HIBADH: variants seen among roughly 807,000 people sequenced by gnomAD.
HIBADH encodes the protein 3-hydroxyisobutyrate dehydrogenase, mitochondrial.
A neutral mutation model predicts 36.1 loss-of-function variants in HIBADH; 25 were observed. The observed-to-expected ratio is 0.69, with a 90% CI of 0.50 to 0.97. The LOEUF (loss-of-function observed/expected upper bound fraction) is 0.97, where lower values mean the gene tolerates loss of function less well. Among genes scored for constraint, HIBADH ranks in the 50% least tolerant of loss-of-function variants. The pLI is 0.00. For synonymous variants in HIBADH, 160 were observed against 149.5 expected (o/e 1.07, Z -0.51); for missense variants, 421 against 418.0 (o/e 1.01, Z -0.06).
At chr7:27,588,654 A>G (rs1562633168) in intron 4 of HIBADH, among the ~76,000 whole-genome samples, 1 of 152,334 alleles carries the variant, frequency 6.6e-6, no homozygotes, top group East Asian at 1.9e-4. Flanking sequence ...TTTAAAATAT[A>G]TCATGAAACC....
intron 5 of HIBADH, among the ~76,000 whole-genome samples, chr7:27,541,318 A>C (rs1175792337): frequency 6.6e-6 from 1 of 152,140 alleles, no homozygotes; most frequent in Non-Finnish European, 1.5e-5. Flanking sequence ...TCCTAAAATT[A>C]TCAAACCATC....
chr7:27,558,898 G>C (rs62456899), intron 4 of HIBADH, among the ~76,000 whole-genome samples: 16,027 of 152,170 alleles, frequency 0.11, 1,017 homozygotes, highest in Middle Eastern at 0.15. Context: ...TTTCAAGTTT[G>C]AAATGGTAGC....
intron 2 of HIBADH, among the ~76,000 whole-genome samples, chr7:27,643,382 G>A (rs983329726): frequency 2.0e-5 from 3 of 152,264 alleles, no homozygotes; most frequent in Admixed American, 1.3e-4. Flanking sequence ...TGAAACTAAG[G>A]CACACAGAAA....
At position 27,629,230 on chromosome 7, in the gene HIBADH, T is replaced by C. The variant is rs530770531; in HGVS notation, c.484+141A>G. The C allele has an allele frequency of 1.6e-5, 11 of 689,284 alleles. No homozygotes were observed. In the East Asian group the frequency reaches 1.9e-4, roughly 12 times the overall value. The allele number at this position is 689,284 out of a possible 1,614,324, so 42.7% of individuals were successfully genotyped here. On this transcript the variant is annotated intron_variant, in intron 4 of 7. Coordinates refer to ENST00000265395, the MANE Select transcript of HIBADH (RefSeq NM_152740.4). ...TTAGACTTGAGAGTACTAAATAACGTATCAGTTTGGCTTTATTTTTAATGA... is the reference window on the plus strand; with the variant it reads ...TTAGACTTGAGAGTACTAAATAACGCATCAGTTTGGCTTTATTTTTAATGA...
intron 1 of HIBADH, among the ~76,000 whole-genome samples, chr7:27,650,562 G>A (rs921258091): frequency 6.7e-6 from 1 of 149,300 alleles, no homozygotes; most frequent in African/African-American, 2.5e-5. Context: ...ATGCAATCTC[G>A]GCTCACTGAA....
chr7:27,554,113 G>A (rs1359278861), intron 4 of HIBADH, among the ~76,000 whole-genome samples: 1 of 152,202 alleles, frequency 6.6e-6, no homozygotes, highest in African/African-American at 2.4e-5. Flanking sequence ...AGCCTCCTGA[G>A]TAGCTGGGAT....
intron 4 of HIBADH, among the ~76,000 whole-genome samples, chr7:27,628,303 T>C (rs1037192887): frequency 6.6e-6 from 1 of 152,108 alleles, no homozygotes; most frequent in Non-Finnish European, 1.5e-5. Flanking sequence ...TACAAGATCA[T>C]TAAGTTCTTT....
chr7:27,576,316 CAA>C (rs1005869352), intron 4 of HIBADH, among the ~76,000 whole-genome samples: 32 of 152,266 alleles, frequency 2.1e-4, no homozygotes, highest in African/African-American at 7.7e-4. Flanking sequence ...GATTATATAA[CAA>C]AGCCTTTGGC....
At chr7:27,604,491 A>G (rs77289332) in intron 4 of HIBADH, among the ~76,000 whole-genome samples, 14,132 of 151,996 alleles carry the variant, frequency 0.093, 914 homozygotes, top group Non-Finnish European at 0.14. Flanking sequence ...TTCTAACACA[A>G]CAAGCCAAGA....
At chr7:27,615,102 C>T (rs1331563652) in intron 4 of HIBADH, among the ~76,000 whole-genome samples, 1 of 152,166 alleles carries the variant, frequency 6.6e-6, no homozygotes, top group African/African-American at 2.4e-5. Flanking sequence ...GTTTTTACTA[C>T]ATGCCAGTGC....
rs1279683157 is a variant in HIBADH at position 27,594,176 on chromosome 7, G to A, written c.484+35195C>T. Among the ~76,000 whole-genome samples, 6 of 140,356 alleles carry A rather than the reference G, an allele frequency of 4.3e-5. No individual in the cohort carries two copies. The South Asian group carries it at 9.1e-4, about 21-fold the overall frequency. 92.1% of individuals were successfully genotyped at this position (140,356 alleles called of 152,430 possible). On this transcript the variant is annotated intron_variant, in intron 4 of 7. Transcript: ENST00000265395. ...TGTTTTTTTTCTGAAACAGAGTTTC[G>A]CTCGTTGCCCCGGCTGGAGTGCAGT...
intron 4 of HIBADH, among the ~76,000 whole-genome samples, chr7:27,598,968 A>C (rs1036902492): frequency 3.3e-5 from 5 of 152,022 alleles, no homozygotes; most frequent in African/African-American, 1.2e-4. Context: ...AAAAAAAAAG[A>C]AAAAGTATGA....
At chr7:27,576,415 A>T (rs1045222541) in intron 4 of HIBADH, among the ~76,000 whole-genome samples, 8 of 152,190 alleles carry the variant, frequency 5.3e-5, no homozygotes, top group African/African-American at 1.4e-4. Context: ...ACACAAAACC[A>T]TTTCCAAAGT....
intron 4 of HIBADH, among the ~76,000 whole-genome samples, chr7:27,624,276 A>G (rs910240010): frequency 5.9e-5 from 9 of 152,198 alleles, no homozygotes; most frequent in Non-Finnish European, 1.2e-4. Flanking sequence ...GAACAAGGCT[A>G]GAGATGCCAC....
intron 6 of HIBADH, 123 bp from the exon 7 acceptor site, chr7:27,531,471 C>A: frequency 1.2e-6 from 1 of 852,732 alleles, no homozygotes; most frequent in Non-Finnish European, 1.7e-6. Flanking sequence ...AAAATCTAAG[C>A]AGGTTGATAC....
intron 4 of HIBADH, among the ~76,000 whole-genome samples, chr7:27,547,883 T>C (rs1308958991): frequency 6.6e-6 from 1 of 152,188 alleles, no homozygotes; most frequent in African/African-American, 2.4e-5. Context: ...AATTTTCTCA[T>C]GTAACTACAT....
chr7:27,578,368 T>TG (rs1244201913), intron 4 of HIBADH, among the ~76,000 whole-genome samples: 1 of 151,876 alleles, frequency 6.6e-6, no homozygotes, highest in Non-Finnish European at 1.5e-5. Flanking sequence ...CAAGCTGGAG[T>TG]GCAGTGGCAC....
At chr7:27,653,715 C>T (rs549956285) in intron 1 of HIBADH, among the ~76,000 whole-genome samples, 246 of 149,374 alleles carry the variant, frequency 1.6e-3, no homozygotes, top group Non-Finnish European at 2.5e-3. Flanking sequence ...CCAGCCTGGG[C>T]GACAATGTGA....
chr7:27,562,721 G>A (rs1409449459), intron 4 of HIBADH, among the ~76,000 whole-genome samples: 1 of 152,128 alleles, frequency 6.6e-6, no homozygotes, highest in African/African-American at 2.4e-5. Flanking sequence ...GCCTACCAAA[G>A]TGCTGAGATT....
Sources: gnomAD v4.1 joint callset for allele counts (sites outside exome capture counted in the v4.1 genomes callset) on GRCh38, gnomAD v4.1.1 for gene constraint, MANE v1.5 for transcripts, NCBI Gene and HGNC (gene_info 2026-07-23, HGNC 2026-07-21) for gene names.